Variants in CDH6 observed in about 807,000 individuals in gnomAD.
CDH6 encodes cadherin-6.
A neutral mutation model predicts 78.0 loss-of-function variants in CDH6; 31 were observed. That is an observed-to-expected ratio of 0.40 (90% CI 0.30 to 0.54). CDH6 has a LOEUF of 0.54. Ranked by LOEUF, CDH6 falls within the 20% of genes least tolerant of loss-of-function variation. CDH6 has a pLI of 0.56. For missense variants in CDH6, 724 were observed against 975.9 expected, an observed-to-expected ratio of 0.74 and a Z score of 3.44; for synonymous variants, 376 against 368.8, an observed-to-expected ratio of 1.02 and a Z score of -0.23.
chr5:31,280,755 G>C (rs1227656225), intron 2 of CDH6, among the ~76,000 whole-genome samples: 1 of 152,044 alleles, frequency 6.6e-6, no homozygotes, highest in Non-Finnish European at 1.5e-5. Flanking sequence ...ACTGAAAGAG[G>C]AGGAGGGGGA....
chr5:31,311,836 A>G (rs927261529), intron 7 of CDH6, among the ~76,000 whole-genome samples: 1 of 152,210 alleles, frequency 6.6e-6, no homozygotes. Flanking sequence ...CCTTTGACAC[A>G]TGGGGATTAC....
At chr5:31,310,249 A>G (rs567879936) in intron 7 of CDH6, among the ~76,000 whole-genome samples, 29 of 146,364 alleles carry the variant, frequency 2.0e-4, no homozygotes, top group African/African-American at 7.0e-4. Context: ...ACTGAAATCC[A>G]GCAGCGCAGT....
At chr5:31,201,706 C>T (rs1740353776) in intron 1 of CDH6, among the ~76,000 whole-genome samples, 1 of 152,154 alleles carries the variant, frequency 6.6e-6, no homozygotes, top group African/African-American at 2.4e-5. Context: ...TGGTTTAATA[C>T]AATGACTGAC....
intron 6 of CDH6, among the ~76,000 whole-genome samples, chr5:31,304,541 T>C (rs1737921679): frequency 6.6e-6 from 1 of 151,828 alleles, no homozygotes; most frequent in South Asian, 2.1e-4. Context: ...AAAAATTAGC[T>C]GGGCCTGGTG....
chr5:31,287,191 G>A (rs1321077213), intron 2 of CDH6, among the ~76,000 whole-genome samples: 3 of 152,158 alleles, frequency 2.0e-5, no homozygotes, highest in Non-Finnish European at 2.9e-5. Context: ...CATGTGGGGA[G>A]AGCATGTGAA....
chr5:31,227,475 T>C (rs755567402), intron 1 of CDH6, among the ~76,000 whole-genome samples: 3 of 152,136 alleles, frequency 2.0e-5, no homozygotes, highest in Non-Finnish European at 2.9e-5. Context: ...GTTATTTGCT[T>C]TATAGTTTTT....
chr5:31,317,119 C>T (rs1180685289), intron 9 of CDH6, among the ~76,000 whole-genome samples: 2 of 152,138 alleles, frequency 1.3e-5, no homozygotes, highest in African/African-American at 2.4e-5. Context: ...ACTGATATCT[C>T]GTGGGTAGAG....
intron 1 of CDH6, among the ~76,000 whole-genome samples, chr5:31,232,907 C>G (rs1356135367): frequency 1.3e-5 from 2 of 152,150 alleles, no homozygotes; most frequent in Non-Finnish European, 2.9e-5. Context: ...AAAATAGGTC[C>G]TTTAATACTC....
Position 31,294,392 on chromosome 5 carries a change from T to A in CDH6, c.523+136T>A. ...CTTCAATCCATGTATGTCCTTTCTG[T>A]AAGTGCATATGTTTCCTAATATTAC... On this transcript the variant is annotated intron_variant, in intron 3 of 11. Coordinates refer to ENST00000265071, the MANE Select transcript of CDH6 (RefSeq NM_004932.4). This position sits in a 1 kb window ranked among gnomAD's most constrained non-coding sequence, Gnocchi z 4.1. 1.4e-6 allele frequency: 1 copy of A among 693,146 alleles called. No individual in the cohort carries two copies. Among genetic ancestry groups the A allele is most frequent in the Non-Finnish European group, 2.5e-6 (1 of 397,256 alleles). 42.9% of individuals were successfully genotyped at this position (693,146 alleles called of 1,614,324 possible).
chr5:31,199,563 T>C (rs1338289049), intron 1 of CDH6, among the ~76,000 whole-genome samples: 2 of 148,024 alleles, frequency 1.4e-5, no homozygotes, highest in East Asian at 2.0e-4. Context: ...TGTGTATATA[T>C]ATGCTCAGAG....
chr5:31,195,624 G>T (rs1740143655), intron 1 of CDH6, among the ~76,000 whole-genome samples: 1 of 152,166 alleles, frequency 6.6e-6, no homozygotes, highest in Non-Finnish European at 1.5e-5. Flanking sequence ...TGCTTGAGCA[G>T]ATGTCTTCAT....
chr5:31,263,388 C>G (rs1456195003), intron 1 of CDH6, among the ~76,000 whole-genome samples: 1 of 150,260 alleles, frequency 6.7e-6, no homozygotes, highest in East Asian at 1.9e-4. Context: ...TCCTGAGTAG[C>G]TGGGATTACA....
In CDH6 at chr5:31,328,293, C is replaced by G. The variant is rs1236807270; in HGVS notation, c.*4985C>G. On this transcript the variant is annotated 3_prime_UTR_variant, in exon 12 of 12. Coordinates refer to ENST00000265071, the MANE Select transcript of CDH6 (RefSeq NM_004932.4). ...AGCCTTGTGGAAAAAGCATTCCACG[C>G]TAATGAGATCTTGGTCTTTCTTGTG... The G allele has an allele frequency of 2.0e-5, 4 of 199,018 alleles. No homozygotes were observed. Among genetic ancestry groups the G allele is most frequent in the Admixed American group, 1.2e-4 (2 of 16,420 alleles). 12.3% of individuals were successfully genotyped at this position (199,018 alleles called of 1,614,324 possible).
chr5:31,302,878 G>A (rs1579900728), intron 6 of CDH6, among the ~76,000 whole-genome samples: 4 of 105,020 alleles, frequency 3.8e-5, no homozygotes, highest in African/African-American at 1.6e-4. Flanking sequence ...AAGGAGGGAA[G>A]GAAGGAAGGA....
intron 1 of CDH6, among the ~76,000 whole-genome samples, chr5:31,245,856 C>A (rs773214290): frequency 1.3e-5 from 2 of 151,484 alleles, no homozygotes; most frequent in African/African-American, 2.4e-5. Context: ...GAGCAAGTCT[C>A]CTGACTAAAG....
At chr5:31,303,906 C>T (rs1737901784) in intron 6 of CDH6, among the ~76,000 whole-genome samples, 1 of 152,084 alleles carries the variant, frequency 6.6e-6, no homozygotes, top group Non-Finnish European at 1.5e-5. Flanking sequence ...TTCTTGGTGC[C>T]TTATCAGATT....
At chr5:31,233,532 C>A (rs545116214) in intron 1 of CDH6, among the ~76,000 whole-genome samples, 18 of 131,076 alleles carry the variant, frequency 1.4e-4, no homozygotes, top group African/African-American at 4.8e-4. Flanking sequence ...AAAAACAAAA[C>A]AAAAACTTTG....
intron 2 of CDH6, among the ~76,000 whole-genome samples, chr5:31,284,305 A>G (rs2149942233): frequency 6.6e-6 from 1 of 152,268 alleles, no homozygotes; most frequent in African/African-American, 2.4e-5. Context: ...CCTTCCATCT[A>G]CTGAAGTTTG....
intron 1 of CDH6, among the ~76,000 whole-genome samples, chr5:31,199,717 C>CAA (rs1423706594): frequency 1.7e-5 from 2 of 114,746 alleles, no homozygotes; most frequent in African/African-American, 3.4e-5. Context: ...ATATATATAT[C>CAA]TCAAAGATAA....
Sources: gnomAD v4.1 joint callset for allele counts (sites outside exome capture counted in the v4.1 genomes callset) on GRCh38, gnomAD v4.1.1 for gene constraint, Gnocchi (gnomAD v3.1) non-coding constraint, MANE v1.5 for transcripts, NCBI Gene and HGNC (gene_info 2026-07-23, HGNC 2026-07-21) for gene names.